Variants in TET3 observed in about 807,000 individuals in gnomAD.
TET3 encodes the protein methylcytosine dioxygenase TET3.
In TET3, 19 loss-of-function variants were observed where a neutral mutation model predicts 141.4. That is an observed-to-expected ratio of 0.13 (90% CI 0.09 to 0.20). TET3 has a LOEUF of 0.20. Among genes scored for constraint, TET3 ranks in the 10% least tolerant of loss-of-function variants. The pLI, the probability that TET3 is intolerant of heterozygous loss-of-function variation, is 1.00. For missense variants in TET3, 1,874 were observed against 2,356.9 expected (o/e 0.80, Z 4.24); for synonymous variants, 1,043 against 980.9 (o/e 1.06, Z -1.18).
Position 74,031,401 on chromosome 2 carries a change from C to T in TET3, c.361-14877C>T, listed in dbSNP as rs1017361819. 2.8e-4 allele frequency among the ~76,000 whole-genome samples: 43 copies of T among 152,150 alleles called. 1 individual carries two copies. The highest frequency in any genetic ancestry group is 6.2e-4 in the South Asian group (3 of 4,836). On this transcript the variant is annotated intron_variant, in intron 3 of 11. Transcript: ENST00000409262. ...AAACAGATAATGGTTGCGCAAATGC[C>T]TAGGTTCCTGTTCTGTTTCTCCAGC...
chr2:74,018,195 G>A (rs1234810383), intron 3 of TET3, among the ~76,000 whole-genome samples: 4 of 152,006 alleles, frequency 2.6e-5, no homozygotes, highest in East Asian at 1.9e-4. Context: ...TCGAACTCGC[G>A]CCCTCAAGTG....
chr2:74,100,892 G>C lies in TET3; in HGVS notation c.4104G>C (p.Leu1368=). The change falls in exon 12 of 12, where the codon CTG becomes CTC. Residue 1368 remains leucine (L), a synonymous_variant. Transcript: ENST00000409262. ...CGTACCCAGGCCCCAAGGAGTATCT[G>C]CTTCCCAAGGCCCCCCTACTCCACT... ...QPAYPGPKEY[L]LPKAPLLHSV... 6.2e-7 allele frequency: 1 copy of C among 1,610,014 alleles called. No individual in the cohort carries two copies. Among genetic ancestry groups the C allele is most frequent in the South Asian group, 1.1e-5 (1 of 90,244 alleles).
chr2:74,092,041 C>T (rs1415901883), intron 8 of TET3, among the ~76,000 whole-genome samples: 2 of 152,320 alleles, frequency 1.3e-5, no homozygotes, highest in South Asian at 4.1e-4. Flanking sequence ...TTGTGGCTCA[C>T]GCCTGTAATC....
At chr2:74,014,119 C>G (rs1685607460) in intron 3 of TET3, among the ~76,000 whole-genome samples, 1 of 151,906 alleles carries the variant, frequency 6.6e-6, no homozygotes, top group African/African-American at 2.4e-5. Context: ...GTGCTGTTTT[C>G]TAAAGTATTA....
Position 73,986,595 on chromosome 2 carries a change from G to A in TET3, c.192G>A (p.Arg64=). The change falls in exon 2 of 12, where the codon CGG becomes CGA. Residue 64 remains arginine (R), a synonymous_variant. Coordinates refer to ENST00000409262, the MANE Select transcript of TET3 (RefSeq NM_001287491.2). ...GGTGTGGTACTTGTGAGCCCTGCCG[G>A]CGGCTGGAAAACTGTGGCGCTTGCA... is the stretch of plus-strand genomic sequence containing the variant. ...RKRCGTCEPC[R]RLENCGACTS... 1.8e-5 allele frequency: 22 copies of A among 1,232,178 alleles called. No individual in the cohort carries two copies. The highest frequency in any genetic ancestry group is 2.2e-5 in the Non-Finnish European group (22 of 988,006). The allele number at this position is 1,232,178 out of a possible 1,614,324, so 76.3% of individuals were successfully genotyped here. A position where few individuals can be genotyped will look rare whatever the true frequency, so the allele number is the denominator to read the frequency against.
In TET3 at chr2:74,047,273, G is replaced by A; in HGVS notation, c.1356G>A (p.Met452Ile). The change falls in exon 4 of 12, where the codon ATG (methionine) becomes ATA (isoleucine). Residue 452 changes from methionine to isoleucine, a missense_variant. Coordinates refer to ENST00000409262, the MANE Select transcript of TET3 (RefSeq NM_001287491.2). ...PPATPRSSWP[M>I]PRPSPDPMAE... ...CAACGCCCCGGAGCTCCTGGCCCAT[G>A]CCTCGCCCAAGCCCCGATCCCATGG... is the stretch of plus-strand genomic sequence containing the variant. The A allele has an allele frequency of 1.2e-6, 2 of 1,614,008 alleles. No homozygotes were observed. The highest frequency in any genetic ancestry group is 8.5e-7 in the Non-Finnish European group (1 of 1,179,896).
intron 10 of TET3, among the ~76,000 whole-genome samples, chr2:74,098,795 T>C (rs751077655): frequency 6.6e-6 from 1 of 152,184 alleles, no homozygotes; most frequent in East Asian, 1.9e-4. Flanking sequence ...GGTTTCATCA[T>C]ATTGATCAGG....
chr2:74,072,085 C>T (rs1049855507), intron 4 of TET3, among the ~76,000 whole-genome samples: 2 of 152,214 alleles, frequency 1.3e-5, no homozygotes, highest in Admixed American at 6.5e-5. Flanking sequence ...AGTTACTCCT[C>T]ATTCCTACCC....
chr2:74,100,666 A>AC lies in TET3; in HGVS notation c.3882dup (p.Val1295ArgfsTer22). On this transcript the variant is annotated frameshift_variant, in exon 12 of 12. Transcript: ENST00000409262. LOFTEE classifies it high-confidence loss of function. ...AGCTACTATGGCTTTCCATCCAGCA[A>AC]CCCCGTCTTCCCCTCTCAGTTCCTG... The AC allele has an allele frequency of 6.2e-7, 1 of 1,613,890 alleles. No homozygotes were observed. Among genetic ancestry groups the AC allele is most frequent in the Non-Finnish European group, 8.5e-7 (1 of 1,179,862 alleles).
At chr2:74,116,100 A>C in the TET3 span, among the ~76,000 whole-genome samples, 1 of 152,164 alleles carries the variant, frequency 6.6e-6, no homozygotes, top group Non-Finnish European at 1.5e-5. Context: ...TGGCCAACAA[A>C]TATATGAAAA....
chr2:73,997,683 G>T (rs1684663261), intron 2 of TET3, among the ~76,000 whole-genome samples: 1 of 152,314 alleles, frequency 6.6e-6, no homozygotes, highest in East Asian at 1.9e-4. Flanking sequence ...CATCTGCTTT[G>T]ACCTATAGAC....
the TET3 span, among the ~76,000 whole-genome samples, chr2:74,124,026 C>T: frequency 1.3e-5 from 2 of 151,310 alleles, no homozygotes; most frequent in Non-Finnish European, 3.0e-5. Context: ...CGCCCGGCAG[C>T]CACCCCGTCT....
rs1239668487 is a variant in TET3, at chr2:74,101,558, G to A, written c.4770G>A (p.Glu1590=). ...TTGGTCTGCCCCTGGGATCCAGCGA[G>A]AAGCTGTTTGGGGCTCTGAAGTCAG... ...QSFGLPLGSS[E]KLFGALKSEE... The change falls in exon 12 of 12, where the codon GAG becomes GAA. Residue 1590 remains glutamate (E), a synonymous_variant. Coordinates refer to ENST00000409262, the MANE Select transcript of TET3 (RefSeq NM_001287491.2). This position sits in a 1 kb window ranked among gnomAD's most constrained non-coding sequence, Gnocchi z 8.5. 6.2e-7 allele frequency: 1 copy of A among 1,609,474 alleles called. No individual in the cohort carries two copies.
rs371344304 is a variant in TET3, at chr2:74,083,323, G to C, written c.2679+2732G>C. Among the ~76,000 whole-genome samples, 138 of 152,354 alleles carry C rather than the reference G, an allele frequency of 9.1e-4. 1 individual carries two copies. Among genetic ancestry groups the C allele is most frequent in the Non-Finnish European group, 1.4e-3 (97 of 68,036 alleles). The stretch of plus-strand genomic sequence containing the variant: ...GGCTCTGGGAAAGAACTCCAGAGAT[G>C]CTGCCCATACTGGTGTGTAAAGGTC... On this transcript the variant is annotated intron_variant, in intron 6 of 11. Transcript: ENST00000409262.
chr2:74,110,215 A>AT (rs1037882035), downstream of TET3, among the ~76,000 whole-genome samples: 107 of 149,326 alleles, frequency 7.2e-4, no homozygotes, highest in Admixed American at 2.9e-3. Context: ...TCTGCGTGCA[A>AT]TTTTTTTTTT....
At chr2:74,113,160 G>A (rs1572922464), downstream of TET3, among the ~76,000 whole-genome samples, 1 of 151,878 alleles carries the variant, frequency 6.6e-6, no homozygotes, top group Non-Finnish European at 1.5e-5. Flanking sequence ...GGAGGCCGAG[G>A]CAGGCAGATC....
intron 3 of TET3, among the ~76,000 whole-genome samples, chr2:74,019,949 A>G (rs1418968584): frequency 6.6e-6 from 1 of 152,172 alleles, no homozygotes. Context: ...AGGTAGCACA[A>G]ACAAACTTAT....
intron 4 of TET3, among the ~76,000 whole-genome samples, chr2:74,053,872 T>A (rs1182839874): frequency 1.3e-5 from 2 of 152,184 alleles, no homozygotes; most frequent in Non-Finnish European, 1.5e-5. Flanking sequence ...AAGAGAAACT[T>A]CCTATCTTTT....
chr2:74,075,858 G>A (rs1003871823), intron 5 of TET3, among the ~76,000 whole-genome samples: 1 of 152,156 alleles, frequency 6.6e-6, no homozygotes, highest in Non-Finnish European at 1.5e-5. Context: ...TTGAAGCTGT[G>A]TGCAGTGTTG....
Sources: allele counts gnomAD v4.1 joint callset (sites outside exome capture counted in the v4.1 genomes callset), GRCh38; gene constraint gnomAD v4.1.1; non-coding constraint Gnocchi (gnomAD v3.1); transcripts MANE v1.5; gene names NCBI Gene and HGNC (gene_info 2026-07-23, HGNC 2026-07-21).